The following TMEM67 variants were observed in gnomAD, a reference collection of about 807,000 sequenced individuals.
The protein encoded by TMEM67 is meckelin.
TMEM67 carries 124 observed loss-of-function variants against 136.6 expected under a neutral mutation model. That is an observed-to-expected ratio of 0.91 (90% CI 0.78 to 1.05). The LOEUF is 1.05. Ranked by LOEUF, TMEM67 falls within the 50% of genes least tolerant of loss-of-function variation. TMEM67 has a pLI of 0.00. For synonymous variants in TMEM67, 364 were observed against 390.5 expected (o/e 0.93, Z 0.80); for missense variants, 1,107 against 1,178.4 (o/e 0.94, Z 0.89).
intron 6 of TMEM67, among the ~76,000 whole-genome samples, chr8:93,770,880 C>T (rs1228547915): frequency 2.0e-5 from 3 of 151,844 alleles, no homozygotes; most frequent in Admixed American, 6.6e-5. Flanking sequence ...CTGGGCGTGG[C>T]GGCAGGCTCC....
At chr8:93,832,583 A>G in the TMEM67 span, among the ~76,000 whole-genome samples, 2 of 152,180 alleles carry the variant, frequency 1.3e-5, no homozygotes, top group African/African-American at 2.4e-5. Context: ...TAGAATAGCA[A>G]TTGGGCCGGG....
chr8:93,824,798 C>T, the TMEM67 span, among the ~76,000 whole-genome samples: 1 of 152,182 alleles, frequency 6.6e-6, no homozygotes, highest in South Asian at 2.1e-4. Flanking sequence ...TCATTGCAAC[C>T]TCTGCCTGCG....
Position 93,772,611 on chromosome 8 carries a change from G to C in TMEM67, c.674G>C (p.Trp225Ser), listed in dbSNP as rs774633030. 1 of 1,612,462 alleles carries C rather than the reference G, an allele frequency of 6.2e-7. No homozygotes were observed. Among genetic ancestry groups the C allele is most frequent in the Non-Finnish European group, 8.5e-7 (1 of 1,179,282 alleles). Residue 225 changes from tryptophan to serine, a missense_variant, in exon 7 of 28, where the codon TGG (tryptophan) becomes TCG (serine). Trp to Ser is a radical substitution (Grantham distance 177, BLOSUM62 -3). Around this residue, in one of 3 missense-constraint regions of TMEM67, gnomAD observed 925 missense variants for 1,002.4 expected, o/e 0.92. Transcript: ENST00000453321. ...CAGGGCATGTCTTTAACTTCAGAAT[G>C]GTTTGCAAAGTATTTGCAATCATCA... ...GEVGMSLTSE[W>S]FAKYLQSSAA...
chr8:93,808,522 A>ATAATAG (rs1563480973), intron 23 of TMEM67, among the ~76,000 whole-genome samples: 332 of 9,760 alleles, frequency 0.034, no homozygotes, highest in Middle Eastern at 0.1. Context: ...ATATATTTAT[A>ATAATAG]ATCTATATAT....
At position 93,796,006 on chromosome 8, in the gene TMEM67, GT is replaced by G; in HGVS notation, c.1860+21del. ...TCTGAAGGTAAGTTTTAAAGGACAG[GT>G]TACCAAATTTAAAAGGCCTGCTAAT... On this transcript the variant is annotated intron_variant, in intron 18 of 27. Transcript: ENST00000453321. 1 of 1,558,454 alleles carries G rather than the reference GT, an allele frequency of 6.4e-7. No individual in the cohort carries two copies. The highest frequency in any genetic ancestry group is 8.9e-7 in the Non-Finnish European group (1 of 1,129,874).
intron 21 of TMEM67, 56 bp from the exon 22 acceptor site, chr8:93,803,548 A>G (rs1814959623): frequency 1.7e-6 from 2 of 1,197,630 alleles, no homozygotes; most frequent in Non-Finnish European, 2.5e-6. Context: ...CTGTGGCTGT[A>G]AAAGAAAATT....
intron 26 of TMEM67, among the ~76,000 whole-genome samples, chr8:93,814,225 C>T (rs559306499): frequency 2.8e-5 from 4 of 145,314 alleles, no homozygotes; most frequent in South Asian, 4.4e-4. Context: ...CTGCAAGCTC[C>T]GCCTCCCAGG....
chr8:93,760,465 T>A (rs921221573), intron 3 of TMEM67, among the ~76,000 whole-genome samples: 5 of 152,124 alleles, frequency 3.3e-5, no homozygotes, highest in African/African-American at 4.8e-5. Flanking sequence ...TCTACCTTAT[T>A]TCTGAGAAAA....
chr8:93,786,086 G>C, intron 12 of TMEM67, 137 bp from the exon 13 acceptor site: 1 of 784,048 alleles, frequency 1.3e-6, no homozygotes, highest in Non-Finnish European at 2.1e-6. Flanking sequence ...AAAAACAAAA[G>C]AAGACATTCA....
the TMEM67 span, among the ~76,000 whole-genome samples, chr8:93,832,017 C>T: frequency 6.6e-6 from 1 of 152,322 alleles, no homozygotes; most frequent in African/African-American, 2.4e-5. Flanking sequence ...AGCCAACTCT[C>T]CAGCACAGGA....
intron 7 of TMEM67, among the ~76,000 whole-genome samples, chr8:93,774,375 A>G (rs1398243304): frequency 6.6e-6 from 1 of 152,134 alleles, no homozygotes; most frequent in Non-Finnish European, 1.5e-5. Context: ...TCTTTTTTGT[A>G]TTATACTTTA....
intron 7 of TMEM67, among the ~76,000 whole-genome samples, chr8:93,773,281 G>T (rs1382971133): frequency 2.0e-5 from 3 of 152,172 alleles, no homozygotes; most frequent in African/African-American, 7.2e-5. Context: ...CTGGAGCAGA[G>T]TGAGCAGGGA....
intron 6 of TMEM67, chr8:93,769,630 A>C (rs1813244620): frequency 6.0e-6 from 1 of 167,110 alleles, no homozygotes; most frequent in Admixed American, 6.5e-5. Flanking sequence ...AGCAAAATCT[A>C]GTTAAGATGG....
chr8:93,797,572 T>A, intron 20 of TMEM67, 102 bp downstream of exon 20: 2 of 1,145,358 alleles, frequency 1.7e-6, no homozygotes, highest in Non-Finnish European at 2.6e-6. Flanking sequence ...AAGATTTCTC[T>A]AAAGGTTGAA....
At chr8:93,822,074 A>C (rs1266929191), downstream of TMEM67, among the ~76,000 whole-genome samples, 1 of 152,220 alleles carries the variant, frequency 6.6e-6, no homozygotes, top group Non-Finnish European at 1.5e-5. Flanking sequence ...GGCAAACCTC[A>C]ATCTGAGAAA....
intron 14 of TMEM67, among the ~76,000 whole-genome samples, chr8:93,789,039 A>C (rs549881865): frequency 1.3e-5 from 2 of 152,356 alleles, no homozygotes; most frequent in Admixed American, 1.3e-4. Flanking sequence ...CTAGAGATTA[A>C]GTGGCTATTC....
chr8:93,799,904 CTTTT>C (rs35554591), intron 21 of TMEM67, 146 bp downstream of exon 21: 3,947 of 342,056 alleles, frequency 0.012, no homozygotes, highest in East Asian at 0.019. Flanking sequence ...ATGGTCAGTT[CTTTT>C]TTTTTTTTTT....
rs879227200 is a variant in TMEM67 at position 93,817,649 on chromosome 8, T to C, written c.*1197T>C. The C allele has an allele frequency of 6.6e-6, 1 of 152,262 alleles. No homozygotes were observed. Among genetic ancestry groups the C allele is most frequent in the African/African-American group, 2.4e-5 (1 of 41,470 alleles). The allele number at this position is 152,262 out of a possible 1,614,324, so 9.4% of individuals were successfully genotyped here. On this transcript the variant is annotated 3_prime_UTR_variant, in exon 28 of 28. Transcript: ENST00000453321. ...ATTTATATTTTCTCAGATGAAAATATATACTAAAACATTTGGTATTTCTGT... is the reference window on the plus strand; with the variant it reads ...ATTTATATTTTCTCAGATGAAAATACATACTAAAACATTTGGTATTTCTGT...
chr8:93,810,853 A>G (rs1053540134), intron 26 of TMEM67, among the ~76,000 whole-genome samples: 4 of 152,226 alleles, frequency 2.6e-5, no homozygotes, highest in Non-Finnish European at 4.4e-5. Context: ...AATCTTTAAC[A>G]TTTAATTTTT....
Sources: gnomAD v4.1 joint callset for allele counts (sites outside exome capture counted in the v4.1 genomes callset) on GRCh38, gnomAD v4.1.1 for gene constraint, gnomAD v4.1.1 regional missense constraint, MANE v1.5 for transcripts, NCBI Gene and HGNC (gene_info 2026-07-23, HGNC 2026-07-21) for gene names.